Variants in STYXL1 observed in about 807,000 individuals in gnomAD.
The protein encoded by STYXL1 is serine/threonine/tyrosine-interacting-like protein 1.
In STYXL1, 32 loss-of-function variants were observed where a neutral mutation model predicts 36.4. The ratio of observed to expected loss-of-function variants is 0.88; its 90% CI spans 0.66 to 1.18. The LOEUF is 1.18. Among genes scored for constraint, STYXL1 ranks in the 50% most tolerant of loss-of-function variants. STYXL1 has a pLI of 0.00. For missense variants in STYXL1, 354 were observed against 394.1 expected (o/e 0.90, Z 0.86); for synonymous variants, 133 against 144.1 (o/e 0.92, Z 0.55).
intron 3 of STYXL1, 84 bp from the exon 4 acceptor site, chr7:76,022,076 T>C (rs1449151124): frequency 1.3e-6 from 2 of 1,547,952 alleles, no homozygotes; most frequent in Non-Finnish European, 1.7e-6. Context: ...ATAGCAGCAC[T>C]GGGAGGAGCT....
intron 5 of STYXL1, among the ~76,000 whole-genome samples, chr7:76,008,199 C>CAAAAAAAA (rs60080805): frequency 3.0e-5 from 1 of 33,746 alleles, no homozygotes. Context: ...AACTCCATCT[C>CAAAAAAAA]AAAAAAAAAA....
intron 1 of STYXL1, among the ~76,000 whole-genome samples, chr7:76,032,036 A>G (rs1795393763): frequency 6.6e-6 from 1 of 152,142 alleles, no homozygotes; most frequent in African/African-American, 2.4e-5. Flanking sequence ...GGGGAGGCCT[A>G]GGCAGGAGGA....
At chr7:76,015,900 G>A (rs1554573635) in intron 4 of STYXL1, among the ~76,000 whole-genome samples, 1 of 152,068 alleles carries the variant, frequency 6.6e-6, no homozygotes, top group Non-Finnish European at 1.5e-5. Context: ...CACTAGACTG[G>A]CCTAGCCTCC....
intron 1 of STYXL1, among the ~76,000 whole-genome samples, chr7:76,037,420 G>A (rs539760346): frequency 1.3e-5 from 2 of 150,292 alleles, no homozygotes; most frequent in Admixed American, 6.6e-5. Flanking sequence ...AGAAGCTGTT[G>A]GGCTGGGAAG....
intron 5 of STYXL1, among the ~76,000 whole-genome samples, chr7:76,010,170 AAGG>A (rs1713495539): frequency 6.6e-6 from 1 of 152,188 alleles, no homozygotes; most frequent in Non-Finnish European, 1.5e-5. Context: ...AAGGAGGAGC[AAGG>A]AGGAGTTCCA....
Position 76,022,046 on chromosome 7 carries a change from G to A in STYXL1, c.166-54C>T. 5.7e-6 allele frequency: 9 copies of A among 1,580,436 alleles called. No individual in the cohort carries two copies. The South Asian group carries it at 9.1e-5, about 16-fold the overall frequency. ...AGAGGCCTGTTGGTGGGCAGGTTCG[G>A]TTGAGCAGAGACTCCCTGCATAGCA... is the stretch of plus-strand genomic sequence containing the variant. On this transcript the variant is annotated intron_variant, in intron 3 of 8. Coordinates refer to ENST00000359697, the MANE Select transcript of STYXL1 (RefSeq NM_001317785.2).
At chr7:75,998,330 C>T (rs932688562) in intron 8 of STYXL1, among the ~76,000 whole-genome samples, 12 of 149,604 alleles carry the variant, frequency 8.0e-5, no homozygotes, top group African/African-American at 2.7e-4. Flanking sequence ...CTGAGTCTCA[C>T]TCTGTTGCCC....
intron 4 of STYXL1, among the ~76,000 whole-genome samples, 194 bp from the exon 5 acceptor site, chr7:76,014,081 C>A (rs1350188528): frequency 2.0e-5 from 3 of 151,888 alleles, no homozygotes; most frequent in Non-Finnish European, 2.9e-5. Context: ...TGGGTTCAAG[C>A]GATTCTCCTG....
intron 8 of STYXL1, among the ~76,000 whole-genome samples, chr7:76,000,142 C>A (rs538374748): frequency 5.1e-4 from 71 of 139,532 alleles, no homozygotes; most frequent in African/African-American, 1.7e-3. Flanking sequence ...AGTGGAGGTT[C>A]AAGAATCGCT....
At chr7:76,029,612 T>C (rs187182067) in intron 2 of STYXL1, among the ~76,000 whole-genome samples, 154 of 152,274 alleles carry the variant, frequency 1.0e-3, no homozygotes, top group African/African-American at 3.4e-3. Context: ...TATTATTACA[T>C]TGTAATATAT....
intron 1 of STYXL1, among the ~76,000 whole-genome samples, chr7:76,040,084 G>A (rs1796339273): frequency 6.6e-6 from 1 of 151,980 alleles, no homozygotes. Context: ...CTAGACCCCT[G>A]AGAGGTGCCC....
chr7:75,999,545 GTGTGTGTA>G lies in STYXL1; in HGVS notation c.810+1337_810+1344del, dbSNP rs1554565708. Among the ~76,000 whole-genome samples, 6 of 142,720 alleles carry G rather than the reference GTGTGTGTA, an allele frequency of 4.2e-5. No homozygotes were observed. In the South Asian group the frequency reaches 6.9e-4, roughly 16 times the overall value. The allele number at this position is 142,720 out of a possible 152,430, so 93.6% of individuals were successfully genotyped here. A position where few individuals can be genotyped will look rare whatever the true frequency, so the allele number is the denominator to read the frequency against. ...TGTGTGTGTGTGTGTGTGTGTGTGT[GTGTGTGTA>G]TATTTTTTTTTGAGACAGAGTTTCG... On this transcript the variant is annotated intron_variant, in intron 8 of 8. Coordinates refer to ENST00000359697, the MANE Select transcript of STYXL1 (RefSeq NM_001317785.2).
rs553784147 is a variant in STYXL1 at position 76,019,863 on chromosome 7, G to A, written c.307+1988C>T. Among the ~76,000 whole-genome samples, 11 of 149,222 alleles carry A rather than the reference G, an allele frequency of 7.4e-5. No homozygotes were observed. In the East Asian group the frequency reaches 2.0e-3, roughly 27 times the overall value. ...AATCCATGCACTTTGAGAGGCCAAT[G>A]CAAGAGAATTGCTTGAAGCCAAGAG... is the stretch of plus-strand genomic sequence containing the variant. On this transcript the variant is annotated intron_variant, in intron 4 of 8. Transcript: ENST00000359697.
At chr7:76,026,061 G>A (rs990542369) in intron 3 of STYXL1, among the ~76,000 whole-genome samples, 8 of 149,940 alleles carry the variant, frequency 5.3e-5, no homozygotes, top group East Asian at 4.0e-4. Flanking sequence ...GCATGGTGGC[G>A]GGCGCCTATA....
chr7:76,004,811 C>G (rs1225466341), intron 6 of STYXL1, among the ~76,000 whole-genome samples: 1 of 152,000 alleles, frequency 6.6e-6, no homozygotes, highest in East Asian at 1.9e-4. Flanking sequence ...ACCATCCTGG[C>G]TAACACGGTG....
At position 76,041,962 on chromosome 7, in the gene STYXL1, C is replaced by T. The variant is rs1290395807; in HGVS notation, c.-5+5700G>A. On this transcript the variant is annotated intron_variant, in intron 1 of 8. Transcript: ENST00000359697. ...GAATTTGTCAAAACCAAACTGAACACTTGAGACCTATATACTTCACTGTAT... is the reference window on the plus strand; with the variant it reads ...GAATTTGTCAAAACCAAACTGAACATTTGAGACCTATATACTTCACTGTAT... Among the ~76,000 whole-genome samples, 5 of 152,294 alleles carry T rather than the reference C, an allele frequency of 3.3e-5. No individual in the cohort carries two copies. The East Asian group carries it at 9.6e-4, about 29-fold the overall frequency.
intron 4 of STYXL1, among the ~76,000 whole-genome samples, chr7:76,019,415 G>T (rs978067063): frequency 6.6e-6 from 1 of 151,798 alleles, no homozygotes; most frequent in South Asian, 2.1e-4. Context: ...TCCTGCCTCA[G>T]CCTCCTGAGT....
At chr7:76,040,156 G>A (rs1796346185) in intron 1 of STYXL1, among the ~76,000 whole-genome samples, 1 of 152,144 alleles carries the variant, frequency 6.6e-6, no homozygotes, top group South Asian at 2.1e-4. Context: ...GGAGGCGGTG[G>A]TGGGGTCTGG....
At chr7:76,039,277 T>C (rs914026497) in intron 1 of STYXL1, among the ~76,000 whole-genome samples, 1 of 147,028 alleles carries the variant, frequency 6.8e-6, no homozygotes, top group Non-Finnish European at 1.5e-5. Context: ...GGTTCCACTA[T>C]GTTTTCCAGG....
Sources: allele counts gnomAD v4.1 joint callset (sites outside exome capture counted in the v4.1 genomes callset), GRCh38; gene constraint gnomAD v4.1.1; transcripts MANE v1.5; gene names NCBI Gene and HGNC (gene_info 2026-07-23, HGNC 2026-07-21).